The following GDA variants were observed in gnomAD, a reference collection of about 807,000 sequenced individuals.
GDA encodes cytoplasmic PSD-95 interactor.
Under a neutral mutation model 59.6 loss-of-function variants are expected in GDA, and 18 were observed. The ratio of observed to expected loss-of-function variants is 0.30; its 90% CI spans 0.21 to 0.45. GDA has a LOEUF of 0.45. GDA is among the 20% of genes least tolerant of loss of function. The pLI is 1.00. For synonymous variants in GDA, 201 were observed against 201.1 expected (o/e 1.00, Z 0.00); for missense variants, 427 against 552.3 (o/e 0.77, Z 2.27).
At chr9:72,186,098 G>C (rs1386026875) in intron 1 of GDA, among the ~76,000 whole-genome samples, 1 of 152,166 alleles carries the variant, frequency 6.6e-6, no homozygotes, top group Non-Finnish European at 1.5e-5. Context: ...CCACTAGATG[G>C]TGAATGAGTG....
rs1421843085 is a variant in GDA at position 72,161,121 on chromosome 9, C to T, written c.123+11439C>T. 5.3e-5 allele frequency among the ~76,000 whole-genome samples: 8 copies of T among 151,538 alleles called. No homozygotes were observed. The South Asian group carries it at 1.7e-3, about 32-fold the overall frequency. On this transcript the variant is annotated intron_variant, in intron 1 of 13. Transcript: ENST00000358399. ...CAGGATTTCACCATGTTGGCCAGGC[C>T]AGTCTCAAACTCCTGACCTCAGGTG...
At chr9:72,139,396 G>C (rs1826362303) in intron 1 of GDA, among the ~76,000 whole-genome samples, 1 of 152,154 alleles carries the variant, frequency 6.6e-6, no homozygotes, top group Non-Finnish European at 1.5e-5. Flanking sequence ...CTAAAAGGAA[G>C]TACATTCCTT....
At chr9:72,210,664 CG>C (rs1564070398) in intron 3 of GDA, 22 bp from the exon 4 acceptor site, 1 of 1,377,752 alleles carries the variant, frequency 7.3e-7, no homozygotes, top group African/African-American at 1.4e-5. Context: ...ACGTGATTCG[CG>C]GTTTTTGTGA....
chr9:72,140,122 A>T (rs535458630), intron 1 of GDA, among the ~76,000 whole-genome samples: 12 of 152,220 alleles, frequency 7.9e-5, no homozygotes, highest in Admixed American at 2.6e-4. Flanking sequence ...CCCAGATCAG[A>T]GTGTCACATG....
chr9:72,129,758 C>T (rs1270388828), intron 1 of GDA, among the ~76,000 whole-genome samples: 1 of 152,118 alleles, frequency 6.6e-6, no homozygotes, highest in Admixed American at 6.5e-5. Flanking sequence ...AATGTAACTG[C>T]CCCAATGACT....
intron 3 of GDA, among the ~76,000 whole-genome samples, chr9:72,205,499 A>G (rs1834578978): frequency 6.6e-6 from 1 of 152,244 alleles, no homozygotes; most frequent in Non-Finnish European, 1.5e-5. Context: ...TTCCAGAATC[A>G]GGCAGCTCTC....
intron 1 of GDA, among the ~76,000 whole-genome samples, chr9:72,115,776 ATTAAT>A (rs1443756216): frequency 1.3e-5 from 2 of 152,220 alleles, no homozygotes; most frequent in Non-Finnish European, 1.5e-5. Flanking sequence ...GATCTTGAAT[ATTAAT>A]TTAACAAAAT....
downstream of GDA, among the ~76,000 whole-genome samples, chr9:72,258,520 G>A (rs12001463): frequency 1.3e-5 from 2 of 152,166 alleles, no homozygotes; most frequent in South Asian, 2.1e-4. Flanking sequence ...AGTTACCACT[G>A]GGGGAGAGTC....
chr9:72,148,035 G>A (rs935436153), upstream of GDA, among the ~76,000 whole-genome samples: 2 of 152,184 alleles, frequency 1.3e-5, no homozygotes, highest in Non-Finnish European at 2.9e-5. Flanking sequence ...CATTGGTTAT[G>A]GGGGAGCTGA....
intron 1 of GDA, among the ~76,000 whole-genome samples, chr9:72,183,067 T>C (rs1349932292): frequency 6.6e-6 from 1 of 152,048 alleles, no homozygotes; most frequent in African/African-American, 2.4e-5. Context: ...ACCAGAGCCC[T>C]GGAATGAGCC....
intron 1 of GDA, among the ~76,000 whole-genome samples, chr9:72,185,181 C>A (rs552136468): frequency 5.3e-5 from 8 of 152,174 alleles, no homozygotes; most frequent in Non-Finnish European, 1.0e-4. Flanking sequence ...CCCGCAAAGC[C>A]TAAAATATTT....
At chr9:72,225,988 AGT>A (rs35524358) in intron 8 of GDA, among the ~76,000 whole-genome samples, 43,858 of 147,702 alleles carry the variant, frequency 0.3, 6,657 homozygotes, top group East Asian at 0.51. Flanking sequence ...AGTAAAGCCT[AGT>A]GTGTGTGTGT....
chr9:72,121,387 C>G (rs1029364164), intron 1 of GDA, among the ~76,000 whole-genome samples: 3 of 152,142 alleles, frequency 2.0e-5, no homozygotes, highest in Non-Finnish European at 4.4e-5. Context: ...CACCTGAGGT[C>G]AGGAGTTCAA....
chr9:72,230,270 A>G (rs1187041460), intron 9 of GDA, among the ~76,000 whole-genome samples: 2 of 152,056 alleles, frequency 1.3e-5, no homozygotes, highest in African/African-American at 4.8e-5. Flanking sequence ...AAGTGGGAGG[A>G]TCACCTGAGG....
chr9:72,193,443 G>C (rs1251511479), intron 1 of GDA, among the ~76,000 whole-genome samples: 2 of 152,236 alleles, frequency 1.3e-5, no homozygotes, highest in Non-Finnish European at 2.9e-5. Context: ...CAGGCAAAAA[G>C]ACTCTTGTTC....
chr9:72,118,273 CAAAAA>C (rs373179585), intron 1 of GDA, among the ~76,000 whole-genome samples: 29 of 66,154 alleles, frequency 4.4e-4, no homozygotes, highest in African/African-American at 1.9e-3. Flanking sequence ...GACTCCACCT[CAAAAA>C]AAAAAAAAAA....
chr9:72,142,250 T>A (rs148878795), intron 1 of GDA, among the ~76,000 whole-genome samples: 1 of 152,300 alleles, frequency 6.6e-6, no homozygotes, highest in East Asian at 1.9e-4. Flanking sequence ...TTGTACTAGT[T>A]TTCTTGATAC....
chr9:72,210,741 A>C lies in GDA; in HGVS notation c.439A>C (p.Thr147Pro). 1 of 1,611,384 alleles carries C rather than the reference A, an allele frequency of 6.2e-7. No individual in the cohort carries two copies. Among genetic ancestry groups the C allele is most frequent in the Non-Finnish European group, 8.5e-7 (1 of 1,177,548 alleles). The change falls in exon 4 of 14, where the codon ACT becomes CCT. Residue 147 changes from threonine (T) to proline (P), a missense_variant. Physicochemically the swap from Thr to Pro is conservative, Grantham distance 38. Coordinates refer to ENST00000358399, the MANE Select transcript of GDA (RefSeq NM_004293.5). ...AGCTTGTTACTTTGCAACAATTCAC[A>C]CTGACTCATCTCTGCTCCTTGCCGA... ...TTACYFATIH[T>P]DSSLLLADIT...
At position 72,154,404 on chromosome 9, in the gene GDA, G is replaced by A. The variant is rs140478357; in HGVS notation, c.123+4722G>A. On this transcript the variant is annotated intron_variant, in intron 1 of 13. Transcript: ENST00000358399. The stretch of plus-strand genomic sequence containing the variant: ...GTACCATGTTCATTCTATTCCCTTT[G>A]CCTCCTAGCAAATCCTTAACCTCTT... Among the ~76,000 whole-genome samples the A allele has an allele frequency of 4.9e-3, 750 of 152,212 alleles. 7 individuals are homozygous for A. The highest frequency in any genetic ancestry group is 0.017 in the African/African-American group (717 of 41,532).
Sources: allele counts gnomAD v4.1 joint callset (sites outside exome capture counted in the v4.1 genomes callset), GRCh38; gene constraint gnomAD v4.1.1; transcripts MANE v1.5; gene names NCBI Gene and HGNC (gene_info 2026-07-23, HGNC 2026-07-21).